The following MAGI2 variants were observed in gnomAD, a reference collection of about 807,000 sequenced individuals.
The protein encoded by MAGI2 is membrane-associated guanylate kinase, WW and PDZ domain-containing protein 2.
Under a neutral mutation model 133.3 loss-of-function variants are expected in MAGI2, and 35 were observed. The ratio of observed to expected loss-of-function variants is 0.26; its 90% CI spans 0.20 to 0.35. The LOEUF is 0.35. Among genes scored for constraint, MAGI2 ranks in the 10% least tolerant of loss-of-function variants. The probability of loss-of-function intolerance (pLI) is 1.00; values close to 1 mark genes in which losing one functional copy is unlikely to be tolerated. For missense variants in MAGI2, 1,636 were observed against 1,863.4 expected (o/e 0.88, Z 2.25); for synonymous variants, 729 against 710.6 (o/e 1.03, Z -0.41).
At chr7:78,836,353 C>T (rs1233291735) in intron 2 of MAGI2, among the ~76,000 whole-genome samples, 1 of 152,098 alleles carries the variant, frequency 6.6e-6, no homozygotes. Context: ...ACTGCATATG[C>T]ATTATGGCAC....
intron 1 of MAGI2, among the ~76,000 whole-genome samples, chr7:79,440,116 C>T (rs1848400100): frequency 6.6e-6 from 1 of 151,930 alleles, no homozygotes; most frequent in South Asian, 2.1e-4. Context: ...TCTTAGTTTC[C>T]TTCCTGGGAT....
chr7:78,141,387 A>G (rs891922158), intron 16 of MAGI2, among the ~76,000 whole-genome samples: 17 of 152,122 alleles, frequency 1.1e-4, no homozygotes, highest in Non-Finnish European at 1.8e-4. Flanking sequence ...TTCTGCCTTC[A>G]TATGTTTTAT....
At chr7:78,835,939 C>T (rs1338640438) in intron 2 of MAGI2, among the ~76,000 whole-genome samples, 1 of 152,160 alleles carries the variant, frequency 6.6e-6, no homozygotes, top group Non-Finnish European at 1.5e-5. Flanking sequence ...GTATAATAGA[C>T]TTCCTTCTGC....
intron 2 of MAGI2, among the ~76,000 whole-genome samples, chr7:78,665,625 T>C (rs1306231661): frequency 2.0e-5 from 3 of 152,152 alleles, no homozygotes; most frequent in South Asian, 2.1e-4. Flanking sequence ...GAGAACATAG[T>C]GGTTCTTAAA....
chr7:78,309,604 C>T (rs543654488), intron 9 of MAGI2, among the ~76,000 whole-genome samples: 9 of 150,806 alleles, frequency 6.0e-5, no homozygotes, highest in Admixed American at 2.6e-4. Context: ...AATCATATAC[C>T]CCAAACGTCA....
At chr7:78,856,203 C>T (rs1169872152) in intron 2 of MAGI2, among the ~76,000 whole-genome samples, 1 of 152,076 alleles carries the variant, frequency 6.6e-6, no homozygotes, top group African/African-American at 2.4e-5. Flanking sequence ...CTGTAGGTTG[C>T]CTGTTCACTC....
chr7:78,177,057 T>TTATA (rs556062247), intron 14 of MAGI2, among the ~76,000 whole-genome samples: 1 of 149,488 alleles, frequency 6.7e-6, no homozygotes, highest in African/African-American at 2.5e-5. Context: ...GCCAAGACCT[T>TTATA]TATATATATA....
chr7:79,014,565 G>A (rs554862213), intron 1 of MAGI2, among the ~76,000 whole-genome samples: 132 of 152,052 alleles, frequency 8.7e-4, no homozygotes, highest in African/African-American at 3.0e-3. Flanking sequence ...ACCAAATTCA[G>A]CATAATGAAA....
At chr7:78,910,407 T>C (rs1798321192) in intron 2 of MAGI2, among the ~76,000 whole-genome samples, 1 of 152,052 alleles carries the variant, frequency 6.6e-6, no homozygotes, top group Admixed American at 6.6e-5. Flanking sequence ...AATATAAATG[T>C]AAAAGGCCTT....
chr7:79,395,855 A>C (rs373420884), intron 1 of MAGI2, among the ~76,000 whole-genome samples: 9 of 152,194 alleles, frequency 5.9e-5, no homozygotes, highest in Admixed American at 3.9e-4. Flanking sequence ...CATTCAATGT[A>C]AGGAGAATGC....
chr7:78,981,387 C>G (rs1444486501), intron 2 of MAGI2, among the ~76,000 whole-genome samples: 3 of 151,558 alleles, frequency 2.0e-5, no homozygotes, highest in Non-Finnish European at 4.4e-5. Flanking sequence ...ATGTTATTAT[C>G]TCTTTCTTCT....
intron 1 of MAGI2, among the ~76,000 whole-genome samples, chr7:79,229,635 AATT>A (rs1378425204): frequency 6.6e-6 from 1 of 152,210 alleles, no homozygotes; most frequent in African/African-American, 2.4e-5. Context: ...TGTTTAGCAT[AATT>A]GACCAAGAAT....
intron 2 of MAGI2, among the ~76,000 whole-genome samples, chr7:78,784,892 G>T (rs1193978797): frequency 4.6e-5 from 7 of 152,066 alleles, no homozygotes; most frequent in Admixed American, 4.6e-4. Flanking sequence ...GTTGAGGAAA[G>T]GTATAATCTT....
At chr7:78,575,412 T>C (rs1409151610) in intron 3 of MAGI2, among the ~76,000 whole-genome samples, 1 of 152,172 alleles carries the variant, frequency 6.6e-6, no homozygotes, top group Non-Finnish European at 1.5e-5. Flanking sequence ...TGTATATAGA[T>C]GCTGTTATAT....
At chr7:79,445,111 T>C (rs978014005) in intron 1 of MAGI2, among the ~76,000 whole-genome samples, 1 of 152,162 alleles carries the variant, frequency 6.6e-6, no homozygotes, top group African/African-American at 2.4e-5. Flanking sequence ...TGGCTAGCCA[T>C]ATGTAGAAAG....
chr7:78,276,134 C>G (rs1199467498), intron 9 of MAGI2, among the ~76,000 whole-genome samples: 6 of 152,116 alleles, frequency 3.9e-5, no homozygotes, highest in African/African-American at 1.4e-4. Context: ...AAAATACAGT[C>G]AGCAGATCAT....
At chr7:78,397,441 T>C (rs1254369164) in intron 6 of MAGI2, among the ~76,000 whole-genome samples, 4 of 151,828 alleles carry the variant, frequency 2.6e-5, no homozygotes, top group African/African-American at 7.3e-5. Context: ...GTTCCTTTGA[T>C]GTATTGCTTG....
intron 18 of MAGI2, among the ~76,000 whole-genome samples, chr7:78,129,805 C>T (rs903096854): frequency 6.6e-6 from 1 of 151,892 alleles, no homozygotes; most frequent in African/African-American, 2.4e-5. Flanking sequence ...CGTGGTGGCA[C>T]ATGCCTGTAA....
At chr7:78,815,345 G>C (rs1393728124) in intron 2 of MAGI2, among the ~76,000 whole-genome samples, 1 of 152,120 alleles carries the variant, frequency 6.6e-6, no homozygotes, top group Non-Finnish European at 1.5e-5. Context: ...ATGATACCAT[G>C]GCAAATAAGC....
Sources: gnomAD v4.1 joint callset for allele counts (sites outside exome capture counted in the v4.1 genomes callset) on GRCh38, gnomAD v4.1.1 for gene constraint, MANE v1.5 for transcripts, NCBI Gene and HGNC (gene_info 2026-07-23, HGNC 2026-07-21) for gene names.